Variants in GMDS observed in about 807,000 individuals in gnomAD.
GMDS encodes the protein GDP-mannose 4,6-dehydratase.
A neutral mutation model predicts 49.9 loss-of-function variants in GMDS; 20 were observed. The ratio of observed to expected loss-of-function variants is 0.40; its 90% CI spans 0.28 to 0.58. The LOEUF (loss-of-function observed/expected upper bound fraction) is 0.58, where lower values mean the gene tolerates loss of function less well. Ranked by LOEUF, GMDS falls within the 20% of genes least tolerant of loss-of-function variation. GMDS has a pLI of 0.42. For missense variants in GMDS, 362 were observed against 481.4 expected (o/e 0.75, Z 2.32); for synonymous variants, 177 against 178.6 (o/e 0.99, Z 0.07).
intron 7 of GMDS, among the ~76,000 whole-genome samples, chr6:1,838,961 C>G (rs1399687460): frequency 6.6e-6 from 1 of 152,178 alleles, no homozygotes; most frequent in Non-Finnish European, 1.5e-5. Flanking sequence ...GGATGCTGAA[C>G]TTGAGAAAAA....
chr6:2,241,382 G>A (rs1781606688), intron 1 of GMDS, among the ~76,000 whole-genome samples: 1 of 152,172 alleles, frequency 6.6e-6, no homozygotes. Flanking sequence ...TATTGGAATT[G>A]TATTTTGCAT....
At chr6:1,639,739 G>A (rs1348339160) in intron 9 of GMDS, among the ~76,000 whole-genome samples, 1 of 152,246 alleles carries the variant, frequency 6.6e-6, no homozygotes, top group Non-Finnish European at 1.5e-5. Flanking sequence ...CCAGCCGGGT[G>A]TGGTGGTGCA....
chr6:2,003,905 G>A lies in GMDS; in HGVS notation c.346-42939C>T, dbSNP rs188829488. 8.5e-5 allele frequency among the ~76,000 whole-genome samples: 13 copies of A among 152,132 alleles called. No individual in the cohort carries two copies. In the East Asian group the frequency reaches 2.3e-3, roughly 27 times the overall value. On this transcript the variant is annotated intron_variant, in intron 4 of 10. Coordinates refer to ENST00000380815, the MANE Select transcript of GMDS (RefSeq NM_001500.4). ...ACAGCTATTTTGCACTAAATTTCTG[G>A]TAAAGATCCAATGTAGGTAATTACA... is the stretch of plus-strand genomic sequence containing the variant.
chr6:1,812,822 G>A (rs1471173905), intron 7 of GMDS, among the ~76,000 whole-genome samples: 1 of 152,170 alleles, frequency 6.6e-6, no homozygotes, highest in East Asian at 1.9e-4. Flanking sequence ...GTTTGATGTA[G>A]ATTTCTTAGA....
intron 4 of GMDS, among the ~76,000 whole-genome samples, chr6:2,070,140 T>C (rs374475954): frequency 6.6e-6 from 1 of 151,174 alleles, no homozygotes; most frequent in South Asian, 2.1e-4. Context: ...AAATTGGAAA[T>C]CATCATTCTC....
chr6:2,170,157 C>T (rs1398841857), intron 1 of GMDS, among the ~76,000 whole-genome samples: 1 of 150,952 alleles, frequency 6.6e-6, no homozygotes, highest in South Asian at 2.1e-4. Flanking sequence ...GAGCCAAGAT[C>T]GTGCCATTGC....
chr6:1,881,768 G>A (rs1442393252), intron 7 of GMDS, among the ~76,000 whole-genome samples: 1 of 152,146 alleles, frequency 6.6e-6, no homozygotes, highest in East Asian at 1.9e-4. Flanking sequence ...TTACTCAAAT[G>A]ACCAAGAGCA....
chr6:2,195,012 C>T (rs1373005502), intron 1 of GMDS, among the ~76,000 whole-genome samples: 1 of 152,156 alleles, frequency 6.6e-6, no homozygotes, highest in Admixed American at 6.5e-5. Context: ...AAAAAGAAAA[C>T]ATTATTTTAA....
At chr6:2,037,489 G>A (rs1769371563) in intron 4 of GMDS, among the ~76,000 whole-genome samples, 1 of 152,178 alleles carries the variant, frequency 6.6e-6, no homozygotes, top group African/African-American at 2.4e-5. Context: ...CTCACAATGG[G>A]GGAGGGAGTA....
intron 7 of GMDS, among the ~76,000 whole-genome samples, chr6:1,879,233 T>C (rs779964471): frequency 6.6e-6 from 1 of 152,218 alleles, no homozygotes; most frequent in Non-Finnish European, 1.5e-5. Flanking sequence ...AAATTGGGTA[T>C]AAAATACAGC....
intron 8 of GMDS, among the ~76,000 whole-genome samples, chr6:1,733,384 T>C (rs1247895987): frequency 6.6e-6 from 1 of 152,116 alleles, no homozygotes; most frequent in Non-Finnish European, 1.5e-5. Context: ...TGTCGGGAGC[T>C]GAATGGATGG....
At chr6:1,800,923 G>A (rs114480727) in intron 7 of GMDS, among the ~76,000 whole-genome samples, 1 of 152,148 alleles carries the variant, frequency 6.6e-6, no homozygotes, top group Non-Finnish European at 1.5e-5. Context: ...TAAACTTCTG[G>A]GAAGAACTGC....
chr6:1,760,974 A>G (rs932706835), intron 7 of GMDS, among the ~76,000 whole-genome samples: 1 of 152,152 alleles, frequency 6.6e-6, no homozygotes, highest in Non-Finnish European at 1.5e-5. Flanking sequence ...ATGAAAAGGG[A>G]AGCCAGTTGT....
At chr6:1,679,310 G>A (rs551425990) in intron 9 of GMDS, 1 of 152,330 alleles carries the variant, frequency 6.6e-6, no homozygotes, top group South Asian at 2.1e-4. Context: ...ATTGTTTTAG[G>A]CCATCGGGGT....
chr6:2,138,088 A>C (rs1054783873), intron 1 of GMDS, among the ~76,000 whole-genome samples: 1 of 152,242 alleles, frequency 6.6e-6, no homozygotes, highest in Admixed American at 6.5e-5. Context: ...CAAATGTTTG[A>C]ATTGAATGTT....
rs534724061 is a variant in GMDS, at chr6:2,098,406, TAAAG to T, written c.345+17361_345+17364del. ...TCTTCAAATAAGGAAAATTTAGTAA[TAAAG>T]AAAGTAATCTACTTGAAATATTTTT... is the stretch of plus-strand genomic sequence containing the variant. On this transcript the variant is annotated intron_variant, in intron 4 of 10. Coordinates refer to ENST00000380815, the MANE Select transcript of GMDS (RefSeq NM_001500.4). 8.0e-4 allele frequency among the ~76,000 whole-genome samples: 122 copies of T among 152,294 alleles called. No homozygotes were observed. The East Asian group carries it at 0.013, about 16-fold the overall frequency.
chr6:2,118,141 C>A (rs1189905822), intron 2 of GMDS, among the ~76,000 whole-genome samples: 1 of 151,600 alleles, frequency 6.6e-6, no homozygotes, highest in African/African-American at 2.4e-5. Flanking sequence ...AAAGAAAACT[C>A]AAACGAAGAG....
Position 1,870,365 on chromosome 6 carries a change from C to G in GMDS, c.771+59738G>C, listed in dbSNP as rs56338911. On this transcript the variant is annotated intron_variant, in intron 7 of 10. Transcript: ENST00000380815. ...GAGCACTTCATCCAGCTTGTACTTT[C>G]AGCAACGAAGATACGCCCAACCCTT... Among the ~76,000 whole-genome samples, 875 of 152,298 alleles carry G rather than the reference C, an allele frequency of 5.7e-3. 8 individuals are homozygous for G. The highest frequency in any genetic ancestry group is 0.02 in the Middle Eastern group (6 of 294).
At chr6:1,813,535 A>C (rs926987998) in intron 7 of GMDS, among the ~76,000 whole-genome samples, 2 of 152,194 alleles carry the variant, frequency 1.3e-5, no homozygotes, top group African/African-American at 4.8e-5. Flanking sequence ...GACAGAAAGA[A>C]TCATAAAATT....
Sources: allele counts gnomAD v4.1 joint callset (sites outside exome capture counted in the v4.1 genomes callset), GRCh38; gene constraint gnomAD v4.1.1; transcripts MANE v1.5; gene names NCBI Gene and HGNC (gene_info 2026-07-23, HGNC 2026-07-21).